Variants in KCNIP4 observed in about 807,000 individuals in gnomAD.
KCNIP4 encodes Kv channel-interacting protein 4.
KCNIP4 carries 12 observed loss-of-function variants against 34.0 expected under a neutral mutation model. That is an observed-to-expected ratio of 0.35 (90% CI 0.23 to 0.57). KCNIP4 has a LOEUF of 0.57. Among genes scored for constraint, KCNIP4 ranks in the 20% least tolerant of loss-of-function variants. The probability of loss-of-function intolerance (pLI) is 0.83; values close to 1 mark genes in which losing one functional copy is unlikely to be tolerated. For missense variants in KCNIP4, 238 were observed against 311.7 expected (o/e 0.76, Z 1.78); for synonymous variants, 124 against 102.2 (o/e 1.21, Z -1.29).
At chr4:20,809,113 G>A (rs1480228817) in intron 3 of KCNIP4, among the ~76,000 whole-genome samples, 6 of 152,084 alleles carry the variant, frequency 3.9e-5, no homozygotes, top group East Asian at 1.9e-4. Context: ...CACAGCTATC[G>A]GAGACTTTCA....
chr4:20,943,293 C>G (rs897217925), intron 1 of KCNIP4, among the ~76,000 whole-genome samples: 3 of 152,122 alleles, frequency 2.0e-5, no homozygotes, highest in African/African-American at 2.4e-5. Context: ...GCTACAAATG[C>G]TCTTAGAAAG....
intron 1 of KCNIP4, among the ~76,000 whole-genome samples, chr4:21,486,424 A>G (rs1240160648): frequency 2.0e-5 from 3 of 152,290 alleles, no homozygotes; most frequent in Admixed American, 1.3e-4. Context: ...AAGATGAGAT[A>G]TAAGTAATGT....
At chr4:21,334,952 G>T (rs1006098284) in intron 1 of KCNIP4, among the ~76,000 whole-genome samples, 1 of 152,056 alleles carries the variant, frequency 6.6e-6, no homozygotes, top group Non-Finnish European at 1.5e-5. Context: ...GACAAATCAT[G>T]CTAGTAGAAA....
chr4:21,154,423 C>A (rs1752995073), intron 1 of KCNIP4, among the ~76,000 whole-genome samples: 2 of 152,296 alleles, frequency 1.3e-5, no homozygotes, highest in South Asian at 4.1e-4. Flanking sequence ...GTATCTTCAA[C>A]CCATTTCTGA....
At chr4:21,033,277 T>C in intron 1 of KCNIP4, among the ~76,000 whole-genome samples, 1 of 152,204 alleles carries the variant, frequency 6.6e-6, no homozygotes, top group African/African-American at 2.4e-5. Context: ...GAACTCTTTT[T>C]ATCCTAGATA....
At chr4:21,944,801 G>T (rs1043750797) in intron 1 of KCNIP4, among the ~76,000 whole-genome samples, 1 of 152,080 alleles carries the variant, frequency 6.6e-6, no homozygotes, top group African/African-American at 2.4e-5. Flanking sequence ...AGTTCAGGAC[G>T]ACACGAATTG....
At chr4:20,992,252 C>T (rs1737140321) in intron 1 of KCNIP4, among the ~76,000 whole-genome samples, 1 of 152,120 alleles carries the variant, frequency 6.6e-6, no homozygotes, top group South Asian at 2.1e-4. Context: ...AAAGGAGAAG[C>T]AGGCACTTTC....
At chr4:21,878,251 T>C (rs1252917055) in intron 1 of KCNIP4, among the ~76,000 whole-genome samples, 1 of 152,124 alleles carries the variant, frequency 6.6e-6, no homozygotes, top group Non-Finnish European at 1.5e-5. Flanking sequence ...AATTTTTGTA[T>C]TTTTAGAAGA....
At chr4:20,977,895 T>C (rs922544297) in intron 1 of KCNIP4, among the ~76,000 whole-genome samples, 1 of 152,216 alleles carries the variant, frequency 6.6e-6, no homozygotes, top group Non-Finnish European at 1.5e-5. Context: ...CCTTACTCCC[T>C]CTCACAATAC....
chr4:21,225,894 A>C, intron 1 of KCNIP4, among the ~76,000 whole-genome samples: 1 of 152,134 alleles, frequency 6.6e-6, no homozygotes, highest in Non-Finnish European at 1.5e-5. Flanking sequence ...AGAATCTCAG[A>C]AATGGATGAA....
intron 8 of KCNIP4, 102 bp from the exon 9 acceptor site, chr4:20,730,231 C>G (rs1747681074): frequency 7.3e-7 from 1 of 1,371,820 alleles, no homozygotes; most frequent in Admixed American, 2.6e-5. Context: ...CCACCTCAAC[C>G]ACCTATGCCA....
chr4:20,793,980 G>A (rs766841296), intron 3 of KCNIP4, among the ~76,000 whole-genome samples: 10 of 152,070 alleles, frequency 6.6e-5, no homozygotes, highest in Non-Finnish European at 1.3e-4. Context: ...TTCTCATGTT[G>A]TTCTCATAAT....
chr4:21,931,141 GAAC>G (rs1303910648), intron 1 of KCNIP4, among the ~76,000 whole-genome samples: 1 of 151,860 alleles, frequency 6.6e-6, no homozygotes, highest in Non-Finnish European at 1.5e-5. Flanking sequence ...TGTCATTATA[GAAC>G]AACATCTCTA....
chr4:21,728,983 G>T (rs1296110452), intron 1 of KCNIP4, among the ~76,000 whole-genome samples: 1 of 151,956 alleles, frequency 6.6e-6, no homozygotes, highest in Admixed American at 6.6e-5. Context: ...TCATGCATTC[G>T]TGTGAGCATG....
At chr4:20,961,065 A>G (rs1733802896) in intron 1 of KCNIP4, among the ~76,000 whole-genome samples, 1 of 152,188 alleles carries the variant, frequency 6.6e-6, no homozygotes, top group South Asian at 2.1e-4. Flanking sequence ...ATATTTTCCT[A>G]TTGCTTTTCC....
At chr4:20,763,592 G>T (rs1186802278) in intron 3 of KCNIP4, among the ~76,000 whole-genome samples, 1 of 152,172 alleles carries the variant, frequency 6.6e-6, no homozygotes, top group Non-Finnish European at 1.5e-5. Flanking sequence ...TAAGAAGTCT[G>T]GTATGGCCAG....
intron 1 of KCNIP4, among the ~76,000 whole-genome samples, chr4:21,066,844 C>T (rs2108986831): frequency 6.6e-6 from 1 of 152,144 alleles, no homozygotes; most frequent in East Asian, 1.9e-4. Flanking sequence ...CTGGGCAAGT[C>T]CTGGTCCTGT....
At chr4:21,025,066 A>G (rs1740401123) in intron 1 of KCNIP4, among the ~76,000 whole-genome samples, 1 of 152,252 alleles carries the variant, frequency 6.6e-6, no homozygotes, top group Non-Finnish European at 1.5e-5. Flanking sequence ...ATTTACCAGT[A>G]GGTCAAAGAA....
At chr4:21,480,837 T>A (rs922805130) in intron 1 of KCNIP4, among the ~76,000 whole-genome samples, 3 of 152,198 alleles carry the variant, frequency 2.0e-5, no homozygotes, top group Non-Finnish European at 4.4e-5. Context: ...ATTGTAGAGA[T>A]GTGACTTAGT....
Sources: gnomAD v4.1 joint callset for allele counts (sites outside exome capture counted in the v4.1 genomes callset) on GRCh38, gnomAD v4.1.1 for gene constraint, MANE v1.5 for transcripts, NCBI Gene and HGNC (gene_info 2026-07-23, HGNC 2026-07-21) for gene names.